Variants in LDLRAD3 observed in about 807,000 individuals in gnomAD.
The protein encoded by LDLRAD3 is low-density lipoprotein receptor class A domain-containing protein 3.
In LDLRAD3, 20 loss-of-function variants were observed where a neutral mutation model predicts 29.4. That is an observed-to-expected ratio of 0.68 (90% CI 0.48 to 0.99). The LOEUF (loss-of-function observed/expected upper bound fraction) is 0.99, where lower values mean the gene tolerates loss of function less well. LDLRAD3 is among the 50% of genes least tolerant of loss of function. The pLI is 0.00. For synonymous variants in LDLRAD3, 157 were observed against 192.7 expected (o/e 0.81, Z 1.53); for missense variants, 420 against 454.3 (o/e 0.92, Z 0.69).
chr11:36,022,547 C>T (rs1054336539), intron 1 of LDLRAD3, among the ~76,000 whole-genome samples: 1 of 152,056 alleles, frequency 6.6e-6, no homozygotes, highest in African/African-American at 2.4e-5. Flanking sequence ...CCTTTGATTA[C>T]CCAGGGAGAC....
chr11:35,977,359 T>A (rs1218051651), intron 1 of LDLRAD3, among the ~76,000 whole-genome samples: 1 of 152,172 alleles, frequency 6.6e-6, no homozygotes, highest in Non-Finnish European at 1.5e-5. Context: ...CCACATTTTG[T>A]TGCAAAGAAG....
chr11:36,145,411 A>G (rs374491572), intron 4 of LDLRAD3, among the ~76,000 whole-genome samples: 37 of 57,820 alleles, frequency 6.4e-4, no homozygotes, highest in Middle Eastern at 9.3e-3. Flanking sequence ...CCAGCCAGCC[A>G]CCCCATCCGG....
chr11:36,038,696 A>G (rs1303994648), intron 2 of LDLRAD3, among the ~76,000 whole-genome samples: 1 of 152,244 alleles, frequency 6.6e-6, no homozygotes, highest in Admixed American at 6.5e-5. Flanking sequence ...GGTTTGGAAC[A>G]GGCTCATTCT....
chr11:36,129,944 A>G (rs1853900501), intron 4 of LDLRAD3, among the ~76,000 whole-genome samples: 1 of 152,194 alleles, frequency 6.6e-6, no homozygotes, highest in South Asian at 2.1e-4. Flanking sequence ...CTCCCTCTGT[A>G]AGATAAAAGC....
At chr11:36,185,635 C>T (rs1433842877) in intron 4 of LDLRAD3, among the ~76,000 whole-genome samples, 1 of 152,192 alleles carries the variant, frequency 6.6e-6, no homozygotes, top group Non-Finnish European at 1.5e-5. Context: ...TCATTATTCC[C>T]TCACATGGAT....
At chr11:36,020,621 A>G (rs1852083687) in intron 1 of LDLRAD3, among the ~76,000 whole-genome samples, 1 of 152,166 alleles carries the variant, frequency 6.6e-6, no homozygotes, top group Non-Finnish European at 1.5e-5. Context: ...AAGGCACCCA[A>G]CAGAAATTTG....
intron 4 of LDLRAD3, among the ~76,000 whole-genome samples, chr11:36,124,079 C>A (rs1278745405): frequency 6.6e-6 from 1 of 152,212 alleles, no homozygotes; most frequent in African/African-American, 2.4e-5. Context: ...CATTTGCCTG[C>A]ATAATTGTCC....
At chr11:36,021,408 G>A (rs1348372956) in intron 1 of LDLRAD3, among the ~76,000 whole-genome samples, 9 of 152,164 alleles carry the variant, frequency 5.9e-5, no homozygotes, top group African/African-American at 2.2e-4. Flanking sequence ...GGAGGCAGAG[G>A]AAGAGAAGAA....
At chr11:36,133,293 C>T (rs1356970088) in intron 4 of LDLRAD3, among the ~76,000 whole-genome samples, 1 of 151,354 alleles carries the variant, frequency 6.6e-6, no homozygotes, top group Non-Finnish European at 1.5e-5. Context: ...GTCTCAGCCT[C>T]CCAGAATGCT....
intron 2 of LDLRAD3, among the ~76,000 whole-genome samples, chr11:36,071,414 A>G (rs997964340): frequency 2.3e-5 from 2 of 86,770 alleles, no homozygotes; most frequent in African/African-American, 7.6e-5. Context: ...CTTTCACGAG[A>G]TAATATACAA....
intron 4 of LDLRAD3, among the ~76,000 whole-genome samples, chr11:36,099,011 T>C (rs1853407238): frequency 6.6e-6 from 1 of 152,112 alleles, no homozygotes; most frequent in Middle Eastern, 3.2e-3. Context: ...CCATTTTTGC[T>C]AATTTGGTAG....
chr11:35,966,864 C>T (rs891813818), intron 1 of LDLRAD3: 1 of 152,294 alleles, frequency 6.6e-6, no homozygotes, highest in East Asian at 1.9e-4. Context: ...CTGTGGAAAT[C>T]CAGGCACATT....
intron 1 of LDLRAD3, among the ~76,000 whole-genome samples, chr11:35,986,597 C>G (rs1322809220): frequency 6.6e-6 from 1 of 152,230 alleles, no homozygotes; most frequent in Non-Finnish European, 1.5e-5. Context: ...GGCGAGGGCT[C>G]TACCTGTCTT....
chr11:35,963,239 C>T (rs1851299522), intron 1 of LDLRAD3, among the ~76,000 whole-genome samples: 1 of 152,024 alleles, frequency 6.6e-6, no homozygotes, highest in Non-Finnish European at 1.5e-5. Context: ...AGAAATTGAC[C>T]CTTCTGGTCT....
chr11:35,991,572 A>T lies in LDLRAD3; in HGVS notation c.47-44531A>T, dbSNP rs918413238. ...ATTCCTTAGATTTCACAAATTTGTCATGTTCCTTTTCTCCAATGGCGACAG... is the reference window on the plus strand; with the variant it reads ...ATTCCTTAGATTTCACAAATTTGTCTTGTTCCTTTTCTCCAATGGCGACAG... On this transcript the variant is annotated intron_variant, in intron 1 of 5. Coordinates refer to ENST00000315571, the MANE Select transcript of LDLRAD3 (RefSeq NM_174902.4). Among the ~76,000 whole-genome samples the T allele has an allele frequency of 4.6e-5, 7 of 152,146 alleles. No individual in the cohort carries two copies. In the South Asian group the frequency reaches 1.2e-3, roughly 27 times the overall value.
chr11:36,193,137 GT>G (rs1485624784), intron 4 of LDLRAD3, among the ~76,000 whole-genome samples: 1 of 152,160 alleles, frequency 6.6e-6, no homozygotes, highest in East Asian at 1.9e-4. Flanking sequence ...CCGAGCCCCA[GT>G]TTCCTCATCT....
rs200282385 is a variant in LDLRAD3 at position 36,086,385 on chromosome 11, G to C, written c.319+4607G>C. Among the ~76,000 whole-genome samples, 627 of 152,298 alleles carry C rather than the reference G, an allele frequency of 4.1e-3. 20 individuals are homozygous for C. In the East Asian group the frequency reaches 0.085, roughly 21 times the overall value. Reference sequence around the variant, plus strand: ...CTGGGTCTTATTTGAAGCCTAGCGGGAGTGCTTATATATGTGTTTTTGTAG... The same window carrying C: ...CTGGGTCTTATTTGAAGCCTAGCGGCAGTGCTTATATATGTGTTTTTGTAG... On this transcript the variant is annotated intron_variant, in intron 3 of 5. Transcript: ENST00000315571.
At chr11:36,156,298 A>C (rs1248022516) in intron 4 of LDLRAD3, among the ~76,000 whole-genome samples, 1 of 152,206 alleles carries the variant, frequency 6.6e-6, no homozygotes, top group Non-Finnish European at 1.5e-5. Flanking sequence ...TCCCCAACTG[A>C]AGAGCTGTTT....
chr11:36,069,337 T>C lies in LDLRAD3; in HGVS notation c.194-12316T>C, dbSNP rs185360704. Among the ~76,000 whole-genome samples, 1,006 of 152,314 alleles carry C rather than the reference T, an allele frequency of 6.6e-3. 5 individuals are homozygous for C. The highest frequency in any genetic ancestry group is 0.012 in the Non-Finnish European group (828 of 68,022). ...TTACAAGGCCTTCTTTGCTTTCTTG[T>C]CCCCAACCATGAAGTCATTTTCAAA... is the stretch of plus-strand genomic sequence containing the variant. On this transcript the variant is annotated intron_variant, in intron 2 of 5. Transcript: ENST00000315571.
Sources: allele counts gnomAD v4.1 joint callset (sites outside exome capture counted in the v4.1 genomes callset), GRCh38; gene constraint gnomAD v4.1.1; transcripts MANE v1.5; gene names NCBI Gene and HGNC (gene_info 2026-07-23, HGNC 2026-07-21).